THSD7A: variants seen among roughly 807,000 people sequenced by gnomAD.
THSD7A encodes the protein thrombospondin type-1 domain-containing protein 7A.
In THSD7A, 96 loss-of-function variants were observed where a neutral mutation model predicts 231.3. The ratio of observed to expected loss-of-function variants is 0.41; its 90% CI spans 0.35 to 0.49. The LOEUF is 0.49. THSD7A is among the 20% of genes least tolerant of loss of function. THSD7A has a pLI of 0.05. For missense variants in THSD7A, 2,290 were observed against 2,070.2 expected (o/e 1.11, Z -2.06); for synonymous variants, 940 against 743.3 (o/e 1.26, Z -4.30).
chr7:11,447,021 T>A (rs950127248), intron 12 of THSD7A, among the ~76,000 whole-genome samples: 1 of 152,098 alleles, frequency 6.6e-6, no homozygotes, highest in African/African-American at 2.4e-5. Context: ...GCATATTATA[T>A]AGGGAGTCAG....
chr7:11,511,542 G>A (rs1787809164), intron 6 of THSD7A, among the ~76,000 whole-genome samples: 1 of 152,148 alleles, frequency 6.6e-6, no homozygotes, highest in Non-Finnish European at 1.5e-5. Flanking sequence ...TATACCACAA[G>A]GCTACAGTAA....
chr7:11,817,898 C>G (rs1049134087), intron 1 of THSD7A, among the ~76,000 whole-genome samples: 4 of 148,292 alleles, frequency 2.7e-5, no homozygotes, highest in Admixed American at 2.1e-4. Context: ...CACACACAGG[C>G]AAATGCACAC....
At chr7:11,461,570 CATT>C (rs1446197961) in intron 10 of THSD7A, among the ~76,000 whole-genome samples, 10 of 152,144 alleles carry the variant, frequency 6.6e-5, no homozygotes, top group African/African-American at 2.2e-4. Context: ...TTACCAGCAT[CATT>C]GAGATACAGA....
intron 1 of THSD7A, among the ~76,000 whole-genome samples, chr7:11,793,504 T>C (rs1784022477): frequency 6.6e-6 from 1 of 151,682 alleles, no homozygotes. Context: ...TGCACTATAA[T>C]GTTTTTAGTT....
At chr7:11,644,637 A>C (rs1782212696) in intron 1 of THSD7A, among the ~76,000 whole-genome samples, 1 of 152,038 alleles carries the variant, frequency 6.6e-6, no homozygotes, top group South Asian at 2.1e-4. Context: ...AATTACATGT[A>C]CAAAATTAGA....
At chr7:11,473,590 A>AT (rs1786023845) in intron 8 of THSD7A, among the ~76,000 whole-genome samples, 2 of 152,072 alleles carry the variant, frequency 1.3e-5, no homozygotes, top group Non-Finnish European at 2.9e-5. Context: ...TTTCCCCTCA[A>AT]TTTTTTAGAG....
chr7:11,767,791 G>T (rs573493345), intron 1 of THSD7A, among the ~76,000 whole-genome samples: 24 of 152,210 alleles, frequency 1.6e-4, no homozygotes, highest in African/African-American at 5.5e-4. Flanking sequence ...AGATCTGAGT[G>T]CAGTTTTGTT....
intron 2 of THSD7A, among the ~76,000 whole-genome samples, chr7:11,619,615 C>T (rs189315582): frequency 6.6e-6 from 1 of 151,754 alleles, no homozygotes; most frequent in Admixed American, 6.6e-5. Context: ...GAGATAGAGG[C>T]CTCAGTATCT....
chr7:11,511,594 C>A (rs568027913), intron 6 of THSD7A, among the ~76,000 whole-genome samples: 2 of 152,056 alleles, frequency 1.3e-5, no homozygotes, highest in African/African-American at 2.4e-5. Context: ...AGATATAGAC[C>A]AATGGAACAG....
intron 6 of THSD7A, among the ~76,000 whole-genome samples, chr7:11,526,317 C>A (rs1244201269): frequency 6.6e-6 from 1 of 152,084 alleles, no homozygotes; most frequent in Non-Finnish European, 1.5e-5. Context: ...AATATACTGA[C>A]CTTCTTAATT....
chr7:11,586,484 G>A (rs1270579417), intron 4 of THSD7A, among the ~76,000 whole-genome samples: 1 of 152,280 alleles, frequency 6.6e-6, no homozygotes, highest in Non-Finnish European at 1.5e-5. Context: ...GAACTATCAT[G>A]TAAAATATTC....
Position 11,412,298 on chromosome 7 carries a change from A to G in THSD7A, c.3682+358T>C, listed in dbSNP as rs145422706. Among the ~76,000 whole-genome samples the G allele has an allele frequency of 8.0e-3, 1,221 of 152,312 alleles. 14 individuals are homozygous for G. The highest frequency in any genetic ancestry group is 0.028 in the African/African-American group (1,166 of 41,562). On this transcript the variant is annotated intron_variant, in intron 18 of 27. Transcript: ENST00000423059. ...ATTGTTGCCCCAGTATGTTTTAGCA[A>G]TTAAGCATCTTCTGAAAAAGAAAGA...
At chr7:11,412,051 G>A (rs1397918829) in intron 18 of THSD7A, among the ~76,000 whole-genome samples, 1 of 152,118 alleles carries the variant, frequency 6.6e-6, no homozygotes, top group Non-Finnish European at 1.5e-5. Flanking sequence ...AAGCTTTCGT[G>A]TTGCCCCAAT....
At chr7:11,403,735 C>T (rs945978401) in intron 22 of THSD7A, among the ~76,000 whole-genome samples, 2 of 152,086 alleles carry the variant, frequency 1.3e-5, no homozygotes, top group Non-Finnish European at 2.9e-5. Context: ...GTAATTTTCG[C>T]CCCTAAGTAA....
At chr7:11,382,713 A>T in intron 23 of THSD7A, 97 bp from the exon 24 acceptor site, 8 of 928,924 alleles carry the variant, frequency 8.6e-6, no homozygotes, top group Non-Finnish European at 1.4e-5. Context: ...AAAAGTAATA[A>T]GCTCATCTCT....
At chr7:11,670,378 A>G (rs1008733289) in intron 1 of THSD7A, among the ~76,000 whole-genome samples, 7 of 152,218 alleles carry the variant, frequency 4.6e-5, no homozygotes. Context: ...GTGTAATGGA[A>G]GAATGATCCA....
intron 4 of THSD7A, among the ~76,000 whole-genome samples, chr7:11,545,773 G>T (rs1264929716): frequency 6.6e-6 from 1 of 152,186 alleles, no homozygotes; most frequent in Non-Finnish European, 1.5e-5. Flanking sequence ...TCAGGGGCAG[G>T]TCTCTAATAT....
intron 1 of THSD7A, among the ~76,000 whole-genome samples, chr7:11,725,408 T>A (rs1583228402): frequency 6.6e-6 from 1 of 151,962 alleles, no homozygotes; most frequent in East Asian, 1.9e-4. Flanking sequence ...TTCTGGAATC[T>A]TTTTGTTGTT....
At chr7:11,688,988 C>T (rs757980296) in intron 1 of THSD7A, among the ~76,000 whole-genome samples, 1 of 151,798 alleles carries the variant, frequency 6.6e-6, no homozygotes, top group Non-Finnish European at 1.5e-5. Context: ...GTTTCTGTTT[C>T]TCTTCCCTAT....
Sources: allele counts gnomAD v4.1 joint callset (sites outside exome capture counted in the v4.1 genomes callset), GRCh38; gene constraint gnomAD v4.1.1; transcripts MANE v1.5; gene names NCBI Gene and HGNC (gene_info 2026-07-23, HGNC 2026-07-21).